The following SNTG2 variants were observed in gnomAD, a reference collection of about 807,000 sequenced individuals.
The protein encoded by SNTG2 is gamma-2-syntrophin.
Under a neutral mutation model 70.9 loss-of-function variants are expected in SNTG2, and 74 were observed. That is an observed-to-expected ratio of 1.04 (90% CI 0.86 to 1.27). The LOEUF (loss-of-function observed/expected upper bound fraction) is 1.27. Ranked by LOEUF, SNTG2 falls within the 50% of genes most tolerant of loss-of-function variation. The pLI is 0.00. For missense variants in SNTG2, 717 were observed against 690.7 expected (o/e 1.04, Z -0.43); for synonymous variants, 278 against 273.8 (o/e 1.02, Z -0.15).
chr2:1,338,854 C>A (rs186206268), intron 16 of SNTG2, among the ~76,000 whole-genome samples: 10 of 152,212 alleles, frequency 6.6e-5, no homozygotes, highest in Admixed American at 2.0e-4. Flanking sequence ...CTGTTCGAGT[C>A]CCTTTTTTAT....
intron 14 of SNTG2, among the ~76,000 whole-genome samples, chr2:1,299,491 T>A (rs1006348732): frequency 1.3e-5 from 2 of 152,122 alleles, no homozygotes; most frequent in African/African-American, 2.4e-5. Context: ...CACACCTGGC[T>A]CTCCTCCCTG....
chr2:1,149,506 C>G (rs56717816), intron 6 of SNTG2, among the ~76,000 whole-genome samples: 142,421 of 152,196 alleles, frequency 0.94, 66,764 homozygotes, highest in Non-Finnish European at 0.97. Context: ...ACAAAATTAC[C>G]AAGACCTCTG....
chr2:1,025,145 G>T (rs1660404754), intron 1 of SNTG2, among the ~76,000 whole-genome samples: 1 of 152,228 alleles, frequency 6.6e-6, no homozygotes, highest in Admixed American at 6.5e-5. Flanking sequence ...TCTTGCCTCA[G>T]TGTTTTCCCC....
intron 8 of SNTG2, among the ~76,000 whole-genome samples, chr2:1,199,800 T>C (rs976834627): frequency 6.6e-6 from 1 of 151,864 alleles, no homozygotes; most frequent in African/African-American, 2.4e-5. Context: ...TAGGAATAAG[T>C]TTAATCAAAG....
At chr2:1,169,727 G>A (rs1670997761) in intron 7 of SNTG2, among the ~76,000 whole-genome samples, 1 of 152,162 alleles carries the variant, frequency 6.6e-6, no homozygotes, top group South Asian at 2.1e-4. Flanking sequence ...CCTGAGCGGG[G>A]CTGTGCTGAC....
intron 12 of SNTG2, among the ~76,000 whole-genome samples, chr2:1,252,248 G>T (rs1677814322): frequency 6.6e-6 from 1 of 152,116 alleles, no homozygotes; most frequent in African/African-American, 2.4e-5. Flanking sequence ...GAGATAAAAA[G>T]GTGCAGGTTT....
chr2:967,947 C>T (rs1472559201), intron 1 of SNTG2, among the ~76,000 whole-genome samples: 2 of 152,046 alleles, frequency 1.3e-5, no homozygotes, highest in African/African-American at 4.8e-5. Flanking sequence ...ATTGCTTGAA[C>T]CCAGGAGACG....
chr2:1,364,625 G>A (rs1462830652), intron 16 of SNTG2, among the ~76,000 whole-genome samples: 1 of 151,624 alleles, frequency 6.6e-6, no homozygotes, highest in African/African-American at 2.4e-5. Context: ...AGGCATGGTG[G>A]TGGGCGCCTG....
At chr2:1,193,965 T>C (rs1672750597) in intron 8 of SNTG2, among the ~76,000 whole-genome samples, 3 of 152,346 alleles carry the variant, frequency 2.0e-5, no homozygotes, top group African/African-American at 7.2e-5. Context: ...CTTAGCTCTG[T>C]CGGACCTTCA....
rs149357212 is a variant in SNTG2 at position 1,224,461 on chromosome 2, T to G, written c.720-13427T>G. ...CCAGCCTCCTCATCCCCCTCTCGCC[T>G]CCTCTGCTGCATGGCCACCCCTCCT... On this transcript the variant is annotated intron_variant, in intron 9 of 16. Transcript: ENST00000308624. Among the ~76,000 whole-genome samples, 928 of 152,220 alleles carry G rather than the reference T, an allele frequency of 6.1e-3. 8 individuals are homozygous for G. Among genetic ancestry groups the G allele is most frequent in the African/African-American group, 0.02 (839 of 41,544 alleles).
intron 14 of SNTG2, among the ~76,000 whole-genome samples, chr2:1,295,633 CTCCCATGTTGGGGT>C (rs1680170063): frequency 6.6e-6 from 1 of 152,076 alleles, no homozygotes; most frequent in Non-Finnish European, 1.5e-5. Flanking sequence ...AAGGCTGAGT[CTCCCATGTTGGGGT>C]ACGAGGGTCA....
chr2:1,269,851 C>T (rs1183253860), intron 14 of SNTG2, among the ~76,000 whole-genome samples: 1 of 152,132 alleles, frequency 6.6e-6, no homozygotes, highest in East Asian at 1.9e-4. Context: ...TGTTAACAAG[C>T]CGGCACACCT....
At position 1,218,347 on chromosome 2, in the gene SNTG2, T is replaced by A. The variant is rs189809824; in HGVS notation, c.719+9117T>A. ...CTGTTGATTGAATAACTGGAGCAGA[T>A]GTTTCCACCAAGGTCTGAGAACTGG... On this transcript the variant is annotated intron_variant, in intron 9 of 16. Coordinates refer to ENST00000308624, the MANE Select transcript of SNTG2 (RefSeq NM_018968.4). Among the ~76,000 whole-genome samples, 47 of 152,310 alleles carry A rather than the reference T, an allele frequency of 3.1e-4. No homozygotes were observed. In the East Asian group the frequency reaches 5.2e-3, roughly 17 times the overall value.
chr2:1,044,535 ATAGT>A (rs1215513544), intron 1 of SNTG2, among the ~76,000 whole-genome samples: 1 of 152,120 alleles, frequency 6.6e-6, no homozygotes, highest in African/African-American at 2.4e-5. Flanking sequence ...TTTGTCATAG[ATAGT>A]TCTTATATTC....
At chr2:1,164,921 T>C (rs1670607053) in intron 6 of SNTG2, among the ~76,000 whole-genome samples, 1 of 152,224 alleles carries the variant, frequency 6.6e-6, no homozygotes, top group Non-Finnish European at 1.5e-5. Context: ...CACACAGCTT[T>C]GCAGCATCTA....
rs1666073277 is a variant in SNTG2 at position 1,105,698 on chromosome 2, G to A, written c.325+7288G>A. Among the ~76,000 whole-genome samples the A allele has an allele frequency of 3.3e-5, 5 of 152,146 alleles. No individual in the cohort carries two copies. In the South Asian group the frequency reaches 1.0e-3, roughly 32 times the overall value. On this transcript the variant is annotated intron_variant, in intron 4 of 16. Coordinates refer to ENST00000308624, the MANE Select transcript of SNTG2 (RefSeq NM_018968.4). ...TCCCTCCTATGAGATTCTTCCTCAG[G>A]ACCCTGCTGCCCCTGGCCCAGAAAT... is the stretch of plus-strand genomic sequence containing the variant.
At chr2:963,210 C>A (rs1660412221) in intron 1 of SNTG2, among the ~76,000 whole-genome samples, 1 of 151,476 alleles carries the variant, frequency 6.6e-6, no homozygotes, top group Non-Finnish European at 1.5e-5. Flanking sequence ...CCTATTTTTC[C>A]AAAAGCATCA....
chr2:987,332 C>T (rs896589527), intron 1 of SNTG2, among the ~76,000 whole-genome samples: 3 of 152,230 alleles, frequency 2.0e-5, no homozygotes, highest in South Asian at 2.1e-4. Context: ...TGGATGTCGG[C>T]GTCCTGATCC....
At chr2:1,338,293 T>A (rs543130271) in intron 16 of SNTG2, among the ~76,000 whole-genome samples, 10 of 152,228 alleles carry the variant, frequency 6.6e-5, no homozygotes, top group South Asian at 2.1e-4. Flanking sequence ...TATTAACACC[T>A]TAATAACATT....
Sources: allele counts gnomAD v4.1 joint callset (sites outside exome capture counted in the v4.1 genomes callset), GRCh38; gene constraint gnomAD v4.1.1; transcripts MANE v1.5; gene names NCBI Gene and HGNC (gene_info 2026-07-23, HGNC 2026-07-21).